The following CTNNA2 variants were observed in gnomAD, a reference collection of about 807,000 sequenced individuals.
CTNNA2 encodes the protein catenin alpha 2, also known as catenin alpha-2.
In CTNNA2, 42 loss-of-function variants were observed where a neutral mutation model predicts 101.0. The ratio of observed to expected loss-of-function variants is 0.42; its 90% CI spans 0.32 to 0.54. CTNNA2 has a LOEUF of 0.54. CTNNA2 is among the 20% of genes least tolerant of loss of function. The pLI is 0.14. For missense variants in CTNNA2, 871 were observed against 1,223.1 expected, an observed-to-expected ratio of 0.71 and a Z score of 4.29; for synonymous variants, 450 against 456.4, an observed-to-expected ratio of 0.99 and a Z score of 0.18.
chr2:80,564,304 C>T lies in CTNNA2; in HGVS notation c.1741+8411C>T, dbSNP rs116980190. Among the ~76,000 whole-genome samples the T allele has an allele frequency of 8.3e-4, 126 of 152,234 alleles. No homozygotes were observed. The East Asian group carries it at 0.023, about 27-fold the overall frequency. On this transcript the variant is annotated intron_variant, in intron 12 of 18. Transcript: ENST00000402739. ...TCATGCTCATGCTCAATACTTTATT[C>T]GTTCCTTAAGTTTCAGAATTAAATG...
At chr2:80,625,525 A>G (rs1380372675) in intron 18 of CTNNA2, among the ~76,000 whole-genome samples, 1 of 151,866 alleles carries the variant, frequency 6.6e-6, no homozygotes, top group East Asian at 1.9e-4. Context: ...AGCATGGTGT[A>G]CTCTTTCTGT....
chr2:79,644,632 T>A (rs1680679289), intron 1 of CTNNA2, among the ~76,000 whole-genome samples: 1 of 152,168 alleles, frequency 6.6e-6, no homozygotes, highest in Admixed American at 6.6e-5. Flanking sequence ...TCTCACCATA[T>A]AAGACCAATG....
chr2:80,159,176 G>GT (rs1393766223), intron 7 of CTNNA2, among the ~76,000 whole-genome samples: 1 of 152,150 alleles, frequency 6.6e-6, no homozygotes, highest in Non-Finnish European at 1.5e-5. Flanking sequence ...TGCATGTTTA[G>GT]TTTTTAGTTT....
chr2:79,824,522 T>A (rs924373496), intron 3 of CTNNA2, among the ~76,000 whole-genome samples: 5 of 152,132 alleles, frequency 3.3e-5, no homozygotes, highest in African/African-American at 4.8e-5. Flanking sequence ...TGCTTATGAG[T>A]CTGAAAACTA....
chr2:80,596,580 G>T (rs1349547040), intron 15 of CTNNA2, among the ~76,000 whole-genome samples: 1 of 151,774 alleles, frequency 6.6e-6, no homozygotes, highest in African/African-American at 2.4e-5. Flanking sequence ...TCAAAGTGCT[G>T]GGATTACAGG....
intron 1 of CTNNA2, among the ~76,000 whole-genome samples, chr2:79,524,108 G>C (rs1672267448): frequency 6.6e-6 from 1 of 151,798 alleles, no homozygotes; most frequent in South Asian, 2.1e-4. Context: ...ATGATAATCA[G>C]GTTATCAATT....
At chr2:80,575,013 C>T (rs931497241) in intron 13 of CTNNA2, 2 of 152,216 alleles carry the variant, frequency 1.3e-5, no homozygotes, top group African/African-American at 4.8e-5. Context: ...GTTAAGACAT[C>T]TAGCTAACCT....
chr2:79,434,259 C>T (rs1178187001), intron 4 of CTNNA2, among the ~76,000 whole-genome samples: 2 of 141,144 alleles, frequency 1.4e-5, no homozygotes, highest in Non-Finnish European at 3.0e-5. Flanking sequence ...AATCATACAG[C>T]TACACTCCAG....
At chr2:79,897,231 C>A (rs1466353584) in intron 6 of CTNNA2, among the ~76,000 whole-genome samples, 1 of 151,376 alleles carries the variant, frequency 6.6e-6, no homozygotes, top group East Asian at 1.9e-4. Flanking sequence ...TAGATAATAA[C>A]CTATTACAGG....
At position 79,779,716 on chromosome 2, in the gene CTNNA2, A is replaced by G. The variant is rs534936476; in HGVS notation, c.298+35134A>G. On this transcript the variant is annotated intron_variant, in intron 3 of 18. Transcript: ENST00000402739. Reference sequence around the variant, plus strand: ...GATGTATTATCCAAAGGAGGAAATGACCAGATGACAGTCACACAGAGAGGA... The same window carrying G: ...GATGTATTATCCAAAGGAGGAAATGGCCAGATGACAGTCACACAGAGAGGA... 3.9e-5 allele frequency among the ~76,000 whole-genome samples: 6 copies of G among 152,224 alleles called. No homozygotes were observed. In the East Asian group the frequency reaches 1.2e-3, roughly 30 times the overall value.
intron 7 of CTNNA2, among the ~76,000 whole-genome samples, chr2:80,307,362 A>C (rs1035500969): frequency 6.6e-6 from 1 of 152,310 alleles, no homozygotes; most frequent in Admixed American, 6.5e-5. Context: ...CGAGTGTTTC[A>C]GCAAAGTTGA....
At chr2:79,785,445 C>T (rs1222064865) in intron 3 of CTNNA2, among the ~76,000 whole-genome samples, 16 of 152,122 alleles carry the variant, frequency 1.1e-4, no homozygotes, top group Admixed American at 9.8e-4. Flanking sequence ...CTCCCTCGGT[C>T]CTTCTGATCT....
At chr2:79,385,993 C>CATGT (rs1303655928) in intron 4 of CTNNA2, among the ~76,000 whole-genome samples, 2 of 152,246 alleles carry the variant, frequency 1.3e-5, no homozygotes, top group African/African-American at 4.8e-5. Context: ...AATAAACATA[C>CATGT]ATGTGCATGT....
intron 7 of CTNNA2, among the ~76,000 whole-genome samples, chr2:80,105,464 G>A (rs6733296): frequency 0.22 from 33,252 of 152,086 alleles, 4,338 homozygotes; most frequent in East Asian, 0.51. Flanking sequence ...TAGCTCACAC[G>A]TATAATCTCA....
intron 2 of CTNNA2, among the ~76,000 whole-genome samples, chr2:79,738,416 T>C (rs771155660): frequency 1.4e-4 from 21 of 152,198 alleles, no homozygotes; most frequent in Non-Finnish European, 2.6e-4. Context: ...GTTGAAGATT[T>C]AGCAGGAAGC....
intron 2 of CTNNA2, among the ~76,000 whole-genome samples, chr2:79,709,314 A>G (rs1258927089): frequency 2.0e-5 from 3 of 152,176 alleles, no homozygotes; most frequent in Admixed American, 1.3e-4. Context: ...AATTACTATG[A>G]AAAGAGACAG....
At chr2:79,313,152 G>T (rs547987321) in intron 3 of CTNNA2, among the ~76,000 whole-genome samples, 3 of 152,066 alleles carry the variant, frequency 2.0e-5, no homozygotes, top group Admixed American at 1.3e-4. Flanking sequence ...CTTGGCTCCC[G>T]TTTGCATTTT....
intron 17 of CTNNA2, among the ~76,000 whole-genome samples, chr2:80,613,595 C>T (rs1298792923): frequency 6.6e-6 from 1 of 151,144 alleles, no homozygotes; most frequent in African/African-American, 2.4e-5. Flanking sequence ...GTGATGGTCA[C>T]CCTAAACTTA....
chr2:80,447,017 G>T (rs1309298373), intron 9 of CTNNA2, among the ~76,000 whole-genome samples: 1 of 152,068 alleles, frequency 6.6e-6, no homozygotes, highest in African/African-American at 2.4e-5. Context: ...TAAATTTGAT[G>T]AGAATTATGA....
Sources: gnomAD v4.1 joint callset for allele counts (sites outside exome capture counted in the v4.1 genomes callset) on GRCh38, gnomAD v4.1.1 for gene constraint, MANE v1.5 for transcripts, NCBI Gene and HGNC (gene_info 2026-07-23, HGNC 2026-07-21) for gene names.